The following GRID2 variants were observed in gnomAD, a reference collection of about 807,000 sequenced individuals.
GRID2 encodes glutamate ionotropic receptor delta type subunit 2.
A neutral mutation model predicts 114.8 loss-of-function variants in GRID2; 33 were observed. The ratio of observed to expected loss-of-function variants is 0.29; its 90% CI spans 0.22 to 0.38. The LOEUF (loss-of-function observed/expected upper bound fraction) is 0.38. Among genes scored for constraint, GRID2 ranks in the 10% least tolerant of loss-of-function variants. The probability of loss-of-function intolerance (pLI) is 1.00; values close to 1 mark genes in which losing one functional copy is unlikely to be tolerated. For synonymous variants in GRID2, 505 were observed against 449.9 expected (o/e 1.12, Z -1.55); for missense variants, 1,184 against 1,257.7 (o/e 0.94, Z 0.89).
rs548715517 is a variant in GRID2 at position 92,485,235 on chromosome 4, T to G, written c.89-104896T>G. Reference sequence around the variant, plus strand: ...TTCAAATGTTTCTAATTGAATAAATTTATTTGCTTATATGGCTTTTATTTA... The same window carrying G: ...TTCAAATGTTTCTAATTGAATAAATGTATTTGCTTATATGGCTTTTATTTA... On this transcript the variant is annotated intron_variant, in intron 1 of 15. Transcript: ENST00000282020. 2.1e-5 allele frequency among the ~76,000 whole-genome samples: 3 copies of G among 145,930 alleles called. 1 individual carries two copies. The South Asian group carries it at 6.5e-4, about 32-fold the overall frequency.
At chr4:93,428,890 G>A (rs1309435528) in intron 10 of GRID2, among the ~76,000 whole-genome samples, 2 of 152,178 alleles carry the variant, frequency 1.3e-5, no homozygotes, top group African/African-American at 4.8e-5. Flanking sequence ...AATATTGTGG[G>A]TTGATCACAA....
chr4:92,766,806 G>A (rs1376925515), intron 2 of GRID2, among the ~76,000 whole-genome samples: 1 of 152,176 alleles, frequency 6.6e-6, no homozygotes, highest in Non-Finnish European at 1.5e-5. Flanking sequence ...GTATTCATAA[G>A]TATACATTTA....
intron 4 of GRID2, among the ~76,000 whole-genome samples, chr4:93,157,368 T>A (rs1737283937): frequency 6.6e-6 from 1 of 151,738 alleles, no homozygotes; most frequent in Non-Finnish European, 1.5e-5. Context: ...ATGTCCTATT[T>A]AATGTAGTTT....
intron 2 of GRID2, among the ~76,000 whole-genome samples, chr4:92,690,599 C>T (rs1734138945): frequency 6.6e-6 from 1 of 152,116 alleles, no homozygotes. Flanking sequence ...AGGGTTGCCA[C>T]CACATTTAGT....
At chr4:93,044,138 C>A (rs900604069) in intron 2 of GRID2, among the ~76,000 whole-genome samples, 3 of 152,148 alleles carry the variant, frequency 2.0e-5, no homozygotes, top group Admixed American at 2.0e-4. Flanking sequence ...CTCATCAAGA[C>A]TTTAATCCCA....
intron 2 of GRID2, among the ~76,000 whole-genome samples, chr4:93,063,594 T>C (rs1043748692): frequency 6.6e-6 from 1 of 151,920 alleles, no homozygotes; most frequent in Non-Finnish European, 1.5e-5. Context: ...AGTGTAAAAA[T>C]TGTGGATGAT....
At chr4:93,653,794 G>A (rs980541291) in intron 14 of GRID2, among the ~76,000 whole-genome samples, 2 of 152,028 alleles carry the variant, frequency 1.3e-5, no homozygotes, top group Non-Finnish European at 2.9e-5. Flanking sequence ...ATCTCTGCTG[G>A]AAAGTATACA....
At chr4:92,541,516 AT>A (rs1453874499) in intron 1 of GRID2, among the ~76,000 whole-genome samples, 1 of 151,866 alleles carries the variant, frequency 6.6e-6, no homozygotes, top group Non-Finnish European at 1.5e-5. Context: ...AATCCATCTA[AT>A]TTTTTTCACA....
chr4:92,596,683 C>A (rs1728969535), intron 2 of GRID2, among the ~76,000 whole-genome samples: 1 of 150,866 alleles, frequency 6.6e-6, no homozygotes. Context: ...GAGACAACAC[C>A]AATATGCATT....
At chr4:93,322,834 T>C (rs1430438056) in intron 8 of GRID2, among the ~76,000 whole-genome samples, 6 of 152,216 alleles carry the variant, frequency 3.9e-5, no homozygotes, top group Non-Finnish European at 7.4e-5. Context: ...TTTGGCTGCA[T>C]AAATGTCTTC....
intron 2 of GRID2, among the ~76,000 whole-genome samples, chr4:92,997,950 A>C (rs1315667376): frequency 6.6e-6 from 1 of 152,074 alleles, no homozygotes; most frequent in African/African-American, 2.4e-5. Flanking sequence ...AATTTGTCAA[A>C]TCACATATCA....
chr4:93,425,807 C>T (rs1030089739), intron 10 of GRID2, among the ~76,000 whole-genome samples: 2 of 152,140 alleles, frequency 1.3e-5, no homozygotes, highest in African/African-American at 4.8e-5. Flanking sequence ...CCCCGCTGAA[C>T]TGAAGTGGGT....
intron 2 of GRID2, among the ~76,000 whole-genome samples, chr4:92,905,575 A>G (rs1747885056): frequency 6.6e-6 from 1 of 152,034 alleles, no homozygotes; most frequent in Admixed American, 6.6e-5. Context: ...CCAATATGGT[A>G]TTTACCAGCT....
intron 2 of GRID2, among the ~76,000 whole-genome samples, chr4:92,911,728 C>A (rs1027806593): frequency 2.6e-5 from 4 of 151,470 alleles, no homozygotes; most frequent in African/African-American, 9.7e-5. Context: ...AATCAAATAA[C>A]CTTAAGCAAT....
intron 2 of GRID2, among the ~76,000 whole-genome samples, chr4:92,672,573 TAA>T (rs1464211330): frequency 6.6e-6 from 1 of 152,138 alleles, no homozygotes; most frequent in African/African-American, 2.4e-5. Context: ...TCTAACTTAA[TAA>T]GAGTGTTTGC....
At chr4:93,533,906 A>G (rs781136814) in intron 13 of GRID2, among the ~76,000 whole-genome samples, 44 of 152,176 alleles carry the variant, frequency 2.9e-4, no homozygotes, top group Non-Finnish European at 4.9e-4. Flanking sequence ...TCCCCACTCC[A>G]TTCAAGGCCA....
At chr4:92,695,486 C>T (rs886929261) in intron 2 of GRID2, among the ~76,000 whole-genome samples, 3 of 151,720 alleles carry the variant, frequency 2.0e-5, no homozygotes, top group Non-Finnish European at 2.9e-5. Context: ...ATAATTTTTA[C>T]AATGCTTGCA....
intron 14 of GRID2, among the ~76,000 whole-genome samples, chr4:93,637,923 A>G (rs1375581081): frequency 6.6e-6 from 1 of 152,050 alleles, no homozygotes; most frequent in African/African-American, 2.4e-5. Context: ...AATTGGTCAG[A>G]CAGTCTACTC....
intron 2 of GRID2, chr4:92,822,487 T>C (rs1283508923): frequency 4.6e-6 from 2 of 433,528 alleles, no homozygotes; most frequent in Admixed American, 5.7e-5. Context: ...CTACTCTGAG[T>C]GGCTCTCCAC....
Sources: allele counts gnomAD v4.1 joint callset (sites outside exome capture counted in the v4.1 genomes callset), GRCh38; gene constraint gnomAD v4.1.1; transcripts MANE v1.5; gene names NCBI Gene and HGNC (gene_info 2026-07-23, HGNC 2026-07-21).